Variants in PRPF6 observed in about 807,000 individuals in gnomAD.
The protein encoded by PRPF6 is pre-mRNA processing factor 6, also known as pre-mRNA-processing factor 6.
A neutral mutation model predicts 118.3 loss-of-function variants in PRPF6; 42 were observed. The observed-to-expected ratio is 0.35, with a 90% CI of 0.28 to 0.46. PRPF6 has a LOEUF of 0.46. Among genes scored for constraint, PRPF6 ranks in the 20% least tolerant of loss-of-function variants. PRPF6 has a pLI of 1.00. For missense variants in PRPF6, 662 were observed against 1,255.7 expected (o/e 0.53, Z 7.15); for synonymous variants, 481 against 485.1 (o/e 0.99, Z 0.11).
intron 20 of PRPF6, 27 bp from the exon 21 acceptor site, chr20:64,032,808 ACCCCTG>A: frequency 5.7e-6 from 9 of 1,583,514 alleles, no homozygotes; most frequent in Non-Finnish European, 7.7e-6. Flanking sequence ...GCGTGGGAGG[ACCCCTG>A]CCTGACGTGC....
At chr20:64,007,062 G>A (rs2059193219) in intron 9 of PRPF6, among the ~76,000 whole-genome samples, 1 of 152,212 alleles carries the variant, frequency 6.6e-6, no homozygotes, top group Admixed American at 6.5e-5. Flanking sequence ...GCTGAGGGAG[G>A]AAAGCGGTTG....
chr20:64,032,546 T>A (rs2059319835), intron 20 of PRPF6, among the ~76,000 whole-genome samples: 2 of 152,124 alleles, frequency 1.3e-5, no homozygotes, highest in Non-Finnish European at 2.9e-5. Flanking sequence ...CCCTAACTCC[T>A]TGTTTGGAGA....
intron 19 of PRPF6, among the ~76,000 whole-genome samples, chr20:64,031,671 TCAAAAAAAAAAAAAAAAAAACAA>T (rs2059314260): frequency 2.2e-5 from 2 of 89,140 alleles, no homozygotes; most frequent in African/African-American, 1.0e-4. Context: ...AGACTCCTTC[TCAAAAAAAAAAAAAAAAAAACAA>T]CAAAAAAAAA....
At chr20:64,003,980 C>T (rs2123034581) in intron 9 of PRPF6, among the ~76,000 whole-genome samples, 1 of 152,278 alleles carries the variant, frequency 6.6e-6, no homozygotes, top group East Asian at 1.9e-4. Flanking sequence ...TATCTTTTTT[C>T]AGCTAGGAAG....
rs998369816 is a variant in PRPF6, at chr20:64,028,658, C to A, written c.2431+89C>A. On this transcript the variant is annotated intron_variant, in intron 18 of 20. Transcript: ENST00000266079. This position sits in a 1 kb window ranked among gnomAD's most constrained non-coding sequence, Gnocchi z 6.5. ...CCGGTAAGGGGGTGCTTCCTGGCTTCCCAGACTCCGCAGGGCTGGCACTTC... is the reference window on the plus strand; with the variant it reads ...CCGGTAAGGGGGTGCTTCCTGGCTTACCAGACTCCGCAGGGCTGGCACTTC... 8 of 1,438,386 alleles carry A rather than the reference C, an allele frequency of 5.6e-6. No homozygotes were observed. The Admixed American group carries it at 1.5e-4, about 26-fold the overall frequency. 89.1% of individuals were successfully genotyped at this position (1,438,386 alleles called of 1,614,324 possible).
At position 64,011,577 on chromosome 20, in the gene PRPF6, TG is replaced by T. The variant is rs1055287411; in HGVS notation, c.1524+79del. 35 of 1,488,854 alleles carry T rather than the reference TG, an allele frequency of 2.4e-5. No homozygotes were observed. The African/African-American group carries it at 4.2e-4, about 18-fold the overall frequency. The allele number at this position is 1,488,854 out of a possible 1,614,324, so 92.2% of individuals were successfully genotyped here. ...AGCACGTGAGAGTCCCACGCAGGACTGGGGGTTGCTGGATGGTACTGGGGAG... is the reference window on the plus strand; with the variant it reads ...AGCACGTGAGAGTCCCACGCAGGACTGGGGTTGCTGGATGGTACTGGGGAG... On this transcript the variant is annotated intron_variant, in intron 11 of 20. Coordinates refer to ENST00000266079, the MANE Select transcript of PRPF6 (RefSeq NM_012469.4). The surrounding 1 kb of genome is among the most constrained non-coding windows in gnomAD (Gnocchi z 6.7).
intron 12 of PRPF6, among the ~76,000 whole-genome samples, chr20:64,021,734 CGTGT>C (rs1405060314): frequency 4.7e-5 from 3 of 64,036 alleles, no homozygotes; most frequent in Admixed American, 1.7e-4. Flanking sequence ...CGTGTGTGTG[CGTGT>C]GTGTGTGTGC....
intron 3 of PRPF6, among the ~76,000 whole-genome samples, chr20:63,986,553 A>G (rs1026956921): frequency 2.0e-5 from 3 of 148,946 alleles, no homozygotes; most frequent in African/African-American, 7.4e-5. Context: ...CAGTGGCGCA[A>G]TCTCAGCTCA....
At chr20:64,016,578 C>T (rs2059239414) in intron 11 of PRPF6, 145 bp from the exon 12 acceptor site, 1 of 1,033,922 alleles carries the variant, frequency 9.7e-7, no homozygotes, top group Non-Finnish European at 1.5e-6. Context: ...GCAGTAGACT[C>T]ACTTCCTCAG....
chr20:63,982,599 G>T (rs6090029), intron 1 of PRPF6, among the ~76,000 whole-genome samples: 1 of 152,248 alleles, frequency 6.6e-6, no homozygotes, highest in African/African-American at 2.4e-5. Flanking sequence ...AGTCTGGGAA[G>T]GAGGGATTTT....
At chr20:63,993,353 T>G in intron 3 of PRPF6, 54 bp from the exon 4 acceptor site, 1 of 1,356,254 alleles carries the variant, frequency 7.4e-7, no homozygotes, top group Non-Finnish European at 1.1e-6. Context: ...GATAATAAAT[T>G]TGCTTCAGAA....
intron 6 of PRPF6, among the ~76,000 whole-genome samples, chr20:63,998,569 C>G (rs553994687): frequency 2.7e-5 from 4 of 149,592 alleles, no homozygotes; most frequent in African/African-American, 9.8e-5. Context: ...TGGACAGACG[C>G]GGTGGCTCAC....
chr20:63,986,289 G>C (rs1328767514), intron 3 of PRPF6, among the ~76,000 whole-genome samples: 1 of 144,656 alleles, frequency 6.9e-6, no homozygotes, highest in Non-Finnish European at 1.5e-5. Flanking sequence ...AGGTTGCAGT[G>C]AGCCGAGGTC....
intron 3 of PRPF6, among the ~76,000 whole-genome samples, chr20:63,987,706 C>T (rs2059100826): frequency 6.6e-6 from 1 of 152,164 alleles, no homozygotes; most frequent in Non-Finnish European, 1.5e-5. Flanking sequence ...TTAGAAAACC[C>T]TAAAGACTCT....
intron 12 of PRPF6, among the ~76,000 whole-genome samples, chr20:64,021,089 A>G (rs1374688194): frequency 1.3e-5 from 2 of 152,230 alleles, no homozygotes; most frequent in African/African-American, 2.4e-5. Flanking sequence ...TGTAGCCACT[A>G]TACCTGATTT....
intron 8 of PRPF6, among the ~76,000 whole-genome samples, chr20:64,000,062 C>T (rs1343683304): frequency 2.0e-5 from 3 of 152,012 alleles, no homozygotes; most frequent in Non-Finnish European, 2.9e-5. Context: ...CACCATTGTC[C>T]TGTCTCAGCC....
In PRPF6 at chr20:63,983,047, C is replaced by T. The variant is rs774832670; in HGVS notation, c.72C>T (p.Gly24=). ...PLGYVPGLGR[G]ATGFTTRSDI... ...CCGGTGTCTTGGGGGTCTCCTGCAG[C>T]GCCACTGGCTTCACCACGCGGTCAG... The change falls in exon 2 of 21, where the codon GGC becomes GGT. Residue 24 remains glycine (G), a splice_region_variant and synonymous_variant. Transcript: ENST00000266079. 1.1e-5 allele frequency: 17 copies of T among 1,614,012 alleles called. No homozygotes were observed. Among genetic ancestry groups the T allele is most frequent in the Admixed American group, 3.3e-5 (2 of 59,986 alleles).
chr20:63,997,795 G>A (rs187816894), intron 6 of PRPF6, among the ~76,000 whole-genome samples: 9 of 152,092 alleles, frequency 5.9e-5, no homozygotes, highest in African/African-American at 2.2e-4. Flanking sequence ...GGCTGGTCTC[G>A]AACTCCTGAC....
At chr20:64,013,679 A>G (rs1020689550) in intron 11 of PRPF6, among the ~76,000 whole-genome samples, 2 of 152,162 alleles carry the variant, frequency 1.3e-5, no homozygotes, top group African/African-American at 2.4e-5. Flanking sequence ...GCCTTAAGCA[A>G]TCCTGCCACT....
Sources: gnomAD v4.1 joint callset for allele counts (sites outside exome capture counted in the v4.1 genomes callset) on GRCh38, gnomAD v4.1.1 for gene constraint, Gnocchi (gnomAD v3.1) non-coding constraint, MANE v1.5 for transcripts, NCBI Gene and HGNC (gene_info 2026-07-23, HGNC 2026-07-21) for gene names.